The following PLPPR1 variants were observed in gnomAD, a reference collection of about 807,000 sequenced individuals.
PLPPR1 encodes the protein phospholipid phosphatase-related protein type 1.
Under a neutral mutation model 33.1 loss-of-function variants are expected in PLPPR1, and 10 were observed. The ratio of observed to expected loss-of-function variants is 0.30; its 90% CI spans 0.19 to 0.51. The LOEUF is 0.51. PLPPR1 is among the 20% of genes least tolerant of loss of function. The pLI, the probability that PLPPR1 is intolerant of heterozygous loss-of-function variation, is 0.97. For missense variants in PLPPR1, 304 were observed against 408.1 expected (o/e 0.74, Z 2.20); for synonymous variants, 151 against 151.0 (o/e 1.00, Z 0.00).
intron 1 of PLPPR1, among the ~76,000 whole-genome samples, chr9:101,161,719 C>T (rs536035157): frequency 6.6e-6 from 1 of 151,842 alleles, no homozygotes; most frequent in South Asian, 2.1e-4. Context: ...GGGGATTTTC[C>T]CATACCATAG....
rs559896807 is a variant in PLPPR1 at position 101,206,790 on chromosome 9, C to T, written c.63+21233C>T. ...TCCATACCTGAAAGTACTCATTCCT[C>T]CAGAACTCAGAGCTGCTTCAAGGAC... On this transcript the variant is annotated intron_variant, in intron 2 of 7. Transcript: ENST00000374874. Among the ~76,000 whole-genome samples the T allele has an allele frequency of 6.6e-5, 10 of 152,222 alleles. No homozygotes were observed. The South Asian group carries it at 1.7e-3, about 25-fold the overall frequency.
intron 2 of PLPPR1, among the ~76,000 whole-genome samples, chr9:101,242,275 A>AGTCTTGTCTCTGATATAG (rs1827487701): frequency 6.6e-6 from 1 of 151,424 alleles, no homozygotes; most frequent in Admixed American, 6.6e-5. Context: ...AGTCTCGGAA[A>AGTCTTGTCTCTGATATAG]TCTTGCCATA....
intron 2 of PLPPR1, among the ~76,000 whole-genome samples, chr9:101,186,395 G>A (rs1826204024): frequency 6.6e-6 from 1 of 151,702 alleles, no homozygotes; most frequent in Admixed American, 6.6e-5. Flanking sequence ...TAAGTATCCT[G>A]AACTTCTGTC....
chr9:101,085,193 GA>G (rs1830662229), intron 1 of PLPPR1, among the ~76,000 whole-genome samples: 1 of 152,126 alleles, frequency 6.6e-6, no homozygotes, highest in East Asian at 1.9e-4. Context: ...GGGAGGGGGT[GA>G]AAAAGAGTCC....
At chr9:101,222,462 G>A (rs935256125) in intron 2 of PLPPR1, among the ~76,000 whole-genome samples, 1 of 152,142 alleles carries the variant, frequency 6.6e-6, no homozygotes, top group Non-Finnish European at 1.5e-5. Flanking sequence ...ATGGTATGAG[G>A]TGGGACCAGG....
intron 7 of PLPPR1, among the ~76,000 whole-genome samples, chr9:101,318,847 T>C (rs1490190585): frequency 3.9e-5 from 6 of 152,072 alleles, no homozygotes; most frequent in African/African-American, 1.4e-4. Flanking sequence ...CGAGGTTGTA[T>C]AGGTAGCAAG....
At chr9:101,051,676 C>G (rs142201573) in intron 1 of PLPPR1, among the ~76,000 whole-genome samples, 51 of 152,276 alleles carry the variant, frequency 3.3e-4, no homozygotes, top group African/African-American at 1.2e-3. Flanking sequence ...CTAGTGCTTA[C>G]TTCATTACTG....
chr9:101,244,000 A>G (rs1321003970), intron 2 of PLPPR1, among the ~76,000 whole-genome samples: 3 of 151,846 alleles, frequency 2.0e-5, no homozygotes, highest in Non-Finnish European at 4.4e-5. Flanking sequence ...AAGAGACTTG[A>G]GATGGAATTC....
intron 1 of PLPPR1, among the ~76,000 whole-genome samples, chr9:101,098,697 A>T (rs1830854011): frequency 6.6e-6 from 1 of 152,132 alleles, no homozygotes. Context: ...AAAAATAGGA[A>T]AAGTGTATTT....
In PLPPR1 at chr9:101,312,926, G is replaced by A. The variant is rs145880799; in HGVS notation, c.765G>A (p.Ser255=). The change falls in exon 6 of 8, where the codon TCG becomes TCA. Residue 255 remains serine, a synonymous_variant. Coordinates refer to ENST00000374874, the MANE Select transcript of PLPPR1 (RefSeq NM_207299.2). The stretch of plus-strand genomic sequence containing the variant: ...TCTCTGAGTATCGGAACCACTGCTC[G>A]GACGTGATTGCTGGTTTCATCCTGG... ...NRVSEYRNHC[S]DVIAGFILGT... The A allele has an allele frequency of 1.7e-4, 273 of 1,614,116 alleles. 1 individual carries two copies. In the African/African-American group the frequency reaches 3.1e-3, roughly 19 times the overall value.
At chr9:101,302,551 G>C (rs1381379682) in intron 4 of PLPPR1, among the ~76,000 whole-genome samples, 3 of 152,162 alleles carry the variant, frequency 2.0e-5, no homozygotes, top group Non-Finnish European at 2.9e-5. Flanking sequence ...AAAAGAAAAA[G>C]CAAAAGTAAA....
At chr9:101,049,028 A>G (rs1352097359) in intron 1 of PLPPR1, among the ~76,000 whole-genome samples, 1 of 152,234 alleles carries the variant, frequency 6.6e-6, no homozygotes, top group Non-Finnish European at 1.5e-5. Flanking sequence ...TAAAAGCTCT[A>G]GATATCATTT....
chr9:101,296,619 A>G (rs1828646376), intron 4 of PLPPR1, among the ~76,000 whole-genome samples: 1 of 152,266 alleles, frequency 6.6e-6, no homozygotes, highest in African/African-American at 2.4e-5. Flanking sequence ...CTATGCAGCC[A>G]TAAAAAATGA....
chr9:101,212,404 C>A (rs1826708311), intron 2 of PLPPR1, among the ~76,000 whole-genome samples: 1 of 152,126 alleles, frequency 6.6e-6, no homozygotes, highest in Admixed American at 6.6e-5. Context: ...TCTTCACTCA[C>A]ATTCCGTTGC....
intron 2 of PLPPR1, among the ~76,000 whole-genome samples, chr9:101,191,718 G>C (rs529269656): frequency 6.6e-6 from 1 of 152,264 alleles, no homozygotes; most frequent in South Asian, 2.1e-4. Flanking sequence ...CCAGACATCA[G>C]TGGATTCCTC....
intron 1 of PLPPR1, among the ~76,000 whole-genome samples, chr9:101,059,488 A>G (rs957273122): frequency 4.6e-5 from 7 of 152,252 alleles, no homozygotes; most frequent in African/African-American, 1.7e-4. Flanking sequence ...CTATAATTAC[A>G]TGGAGGGAAT....
intron 4 of PLPPR1, among the ~76,000 whole-genome samples, chr9:101,304,770 A>G (rs1296291380): frequency 6.6e-6 from 1 of 152,144 alleles, no homozygotes; most frequent in Non-Finnish European, 1.5e-5. Flanking sequence ...CAGGCTTCCT[A>G]CTAGAGCTCC....
intron 1 of PLPPR1, among the ~76,000 whole-genome samples, chr9:101,048,925 G>A (rs1163520548): frequency 6.6e-6 from 1 of 152,144 alleles, no homozygotes; most frequent in Non-Finnish European, 1.5e-5. Flanking sequence ...TAAAAAAAGA[G>A]CAAAGTGTAT....
At chr9:101,191,104 C>T (rs568315171) in intron 2 of PLPPR1, among the ~76,000 whole-genome samples, 2 of 152,164 alleles carry the variant, frequency 1.3e-5, no homozygotes, top group East Asian at 3.9e-4. Flanking sequence ...CAGACAGAAT[C>T]GCTAAAATTT....
Sources: gnomAD v4.1 joint callset for allele counts (sites outside exome capture counted in the v4.1 genomes callset) on GRCh38, gnomAD v4.1.1 for gene constraint, MANE v1.5 for transcripts, NCBI Gene and HGNC (gene_info 2026-07-23, HGNC 2026-07-21) for gene names.